Variants in PTPN18 observed in about 807,000 individuals in gnomAD.
PTPN18 encodes protein tyrosine phosphatase non-receptor type 18, also known as tyrosine-protein phosphatase non-receptor type 18.
A neutral mutation model predicts 65.4 loss-of-function variants in PTPN18; 65 were observed. The ratio of observed to expected loss-of-function variants is 0.99; its 90% CI spans 0.81 to 1.22. The LOEUF is 1.22. Ranked by LOEUF, PTPN18 falls within the 50% of genes most tolerant of loss-of-function variation. The pLI, the probability that PTPN18 is intolerant of heterozygous loss-of-function variation, is 0.00. For missense variants in PTPN18, 616 were observed against 646.5 expected, an observed-to-expected ratio of 0.95 and a Z score of 0.51; for synonymous variants, 255 against 267.8, an observed-to-expected ratio of 0.95 and a Z score of 0.47.
chr2:130,359,351 C>A, intron 3 of PTPN18, 42 bp downstream of exon 3: 1 of 1,614,020 alleles, frequency 6.2e-7, no homozygotes, highest in Non-Finnish European at 8.5e-7. Flanking sequence ...TGGGAGTGGC[C>A]AGGGGTGGGC....
chr2:130,356,843 C>T (rs1558839158), intron 1 of PTPN18, among the ~76,000 whole-genome samples: 1 of 152,200 alleles, frequency 6.6e-6, no homozygotes, highest in Admixed American at 6.5e-5. Context: ...GTGAAAAGCA[C>T]TTAGTACATA....
chr2:130,358,790 CCT>C, intron 1 of PTPN18, 75 bp from the exon 2 acceptor site: 1 of 1,202,988 alleles, frequency 8.3e-7, no homozygotes, highest in Non-Finnish European at 1.2e-6. Flanking sequence ...TGCAAGCGTG[CCT>C]AGGTGGCCTG....
intron 5 of PTPN18, among the ~76,000 whole-genome samples, chr2:130,366,294 T>G (rs1280558745): frequency 6.6e-6 from 1 of 152,192 alleles, no homozygotes; most frequent in Non-Finnish European, 1.5e-5. Flanking sequence ...GTGCAGACGG[T>G]GCCCCAATAA....
intron 6 of PTPN18, among the ~76,000 whole-genome samples, 163 bp from the exon 7 acceptor site, chr2:130,369,602 C>A (rs375373150): frequency 6.6e-6 from 1 of 152,134 alleles, no homozygotes; most frequent in South Asian, 2.1e-4. Context: ...TCAAATGTTT[C>A]CTTAATGAAA....
At chr2:130,359,182 C>G (rs773768555) in intron 2 of PTPN18, 51 bp from the exon 3 acceptor site, 1 of 1,604,110 alleles carries the variant, frequency 6.2e-7, no homozygotes, top group African/African-American at 1.3e-5. Context: ...TCAGAGGCTC[C>G]GTCACCCTAT....
intron 5 of PTPN18, among the ~76,000 whole-genome samples, chr2:130,364,645 A>C (rs1369216827): frequency 6.6e-6 from 1 of 152,138 alleles, no homozygotes; most frequent in Non-Finnish European, 1.5e-5. Context: ...AAATACAAAA[A>C]ATTAGCCAGG....
rs575902620 is a variant in PTPN18 at position 130,373,799 on chromosome 2, G to C, written c.*575G>C. 6.5e-6 allele frequency: 1 copy of C among 153,102 alleles called. No homozygotes were observed. The highest frequency in any genetic ancestry group is 1.9e-4 in the East Asian group (1 of 5,172). 9.5% of individuals were successfully genotyped at this position (153,102 alleles called of 1,614,324 possible). On this transcript the variant is annotated 3_prime_UTR_variant, in exon 15 of 15. Coordinates refer to ENST00000175756, the MANE Select transcript of PTPN18 (RefSeq NM_014369.4). The surrounding 1 kb of genome is among the most constrained non-coding windows in gnomAD (Gnocchi z 4.1). ...AAAGGGATCCCCAGCCAGAGAGAGA[G>C]AGACCAGCCAACAGCTTGATAGACC...
At chr2:130,360,538 T>C (rs74513274) in intron 5 of PTPN18, among the ~76,000 whole-genome samples, 4,131 of 152,256 alleles carry the variant, frequency 0.027, 198 homozygotes, top group African/African-American at 0.096. Flanking sequence ...ATCTCTCTAT[T>C]TCGCTATCTC....
At position 130,370,615 on chromosome 2, in the gene PTPN18, C is replaced by G; in HGVS notation, c.748C>G (p.Leu250Val). ...CTVDYVRQLL[L>V]TQMIPPDFSL... ...CGTGGATTATGTGAGGCAGCTGCTC[C>G]TGACCCAGGTACGATACAGGCATCC... Residue 250 changes from leucine to valine, a missense_variant, in exon 9 of 15, where the codon CTG (leucine) becomes GTG (valine). Coordinates refer to ENST00000175756, the MANE Select transcript of PTPN18 (RefSeq NM_014369.4). 3 of 1,614,164 alleles carry G rather than the reference C, an allele frequency of 1.9e-6. No individual in the cohort carries two copies. Among genetic ancestry groups the G allele is most frequent in the Non-Finnish European group, 2.5e-6 (3 of 1,180,038 alleles).
chr2:130,359,918 C>A, intron 5 of PTPN18: 1 of 507,862 alleles, frequency 2.0e-6, no homozygotes, highest in East Asian at 3.5e-5. Context: ...GCTCTGATCT[C>A]TCTTTCCACC....
intron 5 of PTPN18, among the ~76,000 whole-genome samples, chr2:130,364,203 T>G (rs1680314933): frequency 6.6e-6 from 1 of 152,166 alleles, no homozygotes; most frequent in Non-Finnish European, 1.5e-5. Flanking sequence ...AGAAATTCTG[T>G]ATTCATTAAA....
intron 12 of PTPN18, chr2:130,372,006 A>C (rs1410146628): frequency 2.1e-6 from 1 of 478,188 alleles, no homozygotes; most frequent in African/African-American, 2.1e-5. Context: ...TTGACACAGA[A>C]ATGACCACCC....
chr2:130,375,104 A>G lies in PTPN18; in HGVS notation c.*1880A>G. On this transcript the variant is annotated 3_prime_UTR_variant, in exon 15 of 15. Coordinates refer to ENST00000175756, the MANE Select transcript of PTPN18 (RefSeq NM_014369.4). The stretch of plus-strand genomic sequence containing the variant: ...AAGAGCTGACCCTGTGCTGCCTCCC[A>G]CTCTCCCAATGCCCCTGCCACTCCT... 1.1e-5 allele frequency: 2 copies of G among 181,180 alleles called. No individual in the cohort carries two copies. Among genetic ancestry groups the G allele is most frequent in the East Asian group, 1.6e-4 (1 of 6,406 alleles). The allele number at this position is 181,180 out of a possible 1,614,324, so 11.2% of individuals were successfully genotyped here. A position where few individuals can be genotyped will look rare whatever the true frequency, so the allele number is the denominator to read the frequency against.
intron 5 of PTPN18, among the ~76,000 whole-genome samples, chr2:130,368,149 T>G (rs974518919): frequency 7.2e-5 from 11 of 152,230 alleles, no homozygotes; most frequent in African/African-American, 2.7e-4. Flanking sequence ...TTGAGTGTAT[T>G]TGTAATAGCC....
chr2:130,360,142 C>T (rs1235567351), intron 5 of PTPN18, among the ~76,000 whole-genome samples: 1 of 152,218 alleles, frequency 6.6e-6, no homozygotes, highest in African/African-American at 2.4e-5. Context: ...ATTTTAAACT[C>T]TCAGCACTTC....
chr2:130,358,828 T>C lies in PTPN18; in HGVS notation c.94-39T>C, dbSNP rs1006460307. 1.9e-6 allele frequency: 3 copies of C among 1,557,582 alleles called. No individual in the cohort carries two copies. The East Asian group carries it at 6.8e-5, about 35-fold the overall frequency. ...GGACTCTGACCTGGCTCCTCTCCTG[T>C]CTTCTCCCCTCCCTGACCCACTCAT... On this transcript the variant is annotated intron_variant, in intron 1 of 14. Coordinates refer to ENST00000175756, the MANE Select transcript of PTPN18 (RefSeq NM_014369.4).
At chr2:130,367,917 T>G (rs918851013) in intron 5 of PTPN18, among the ~76,000 whole-genome samples, 1 of 152,332 alleles carries the variant, frequency 6.6e-6, no homozygotes. Context: ...GACTGGTATA[T>G]TTCTACAGAG....
At chr2:130,358,126 C>T (rs1411739076) in intron 1 of PTPN18, among the ~76,000 whole-genome samples, 1 of 152,166 alleles carries the variant, frequency 6.6e-6, no homozygotes, top group East Asian at 1.9e-4. Context: ...AAGCCTGCCT[C>T]CCGCATGTGC....
Position 130,374,485 on chromosome 2 carries a change from C to G in PTPN18, c.*1261C>G. ...GCTCAGCCCCCTAAGATTTGAAACACTTTAAATGGCCCATGGTAGGGTTCC... is the reference window on the plus strand; with the variant it reads ...GCTCAGCCCCCTAAGATTTGAAACAGTTTAAATGGCCCATGGTAGGGTTCC... On this transcript the variant is annotated 3_prime_UTR_variant, in exon 15 of 15. Transcript: ENST00000175756. The G allele has an allele frequency of 2.7e-6, 1 of 373,770 alleles. No homozygotes were observed. Among genetic ancestry groups the G allele is most frequent in the Non-Finnish European group, 5.5e-6 (1 of 183,408 alleles). 23.2% of individuals were successfully genotyped at this position (373,770 alleles called of 1,614,324 possible). A position where few individuals can be genotyped will look rare whatever the true frequency, so the allele number is the denominator to read the frequency against.
Sources: allele counts gnomAD v4.1 joint callset (sites outside exome capture counted in the v4.1 genomes callset), GRCh38; gene constraint gnomAD v4.1.1; non-coding constraint Gnocchi (gnomAD v3.1); transcripts MANE v1.5; gene names NCBI Gene and HGNC (gene_info 2026-07-23, HGNC 2026-07-21).